Variants in KCNMA1 observed in about 807,000 individuals in gnomAD.
The protein encoded by KCNMA1 is potassium calcium-activated channel subfamily M alpha 1, also known as Calcium-activated potassium channel subunit alpha-1.
A neutral mutation model predicts 140.0 loss-of-function variants in KCNMA1; 29 were observed. The observed-to-expected ratio is 0.21, with a 90% CI of 0.15 to 0.28. The LOEUF (loss-of-function observed/expected upper bound fraction) is 0.28. Ranked by LOEUF, KCNMA1 falls within the 10% of genes least tolerant of loss-of-function variation. The pLI, the probability that KCNMA1 is intolerant of heterozygous loss-of-function variation, is 1.00. For synonymous variants in KCNMA1, 612 were observed against 611.9 expected (o/e 1.00, Z 0.00); for missense variants, 880 against 1,602.2 (o/e 0.55, Z 7.70).
intron 6 of KCNMA1, among the ~76,000 whole-genome samples, chr10:77,118,325 C>A (rs1346541460): frequency 6.6e-6 from 1 of 152,250 alleles, no homozygotes; most frequent in East Asian, 1.9e-4. Context: ...TTGGGATCCA[C>A]ACTTGGGGAT....
intron 5 of KCNMA1, among the ~76,000 whole-genome samples, chr10:77,174,480 G>C (rs2098735933): frequency 6.6e-6 from 1 of 152,206 alleles, no homozygotes; most frequent in Non-Finnish European, 1.5e-5. Context: ...CCACATCTGT[G>C]CTGTCCAGCT....
At chr10:77,202,328 C>T (rs2042738444) in intron 3 of KCNMA1, among the ~76,000 whole-genome samples, 1 of 152,192 alleles carries the variant, frequency 6.6e-6, no homozygotes, top group Admixed American at 6.5e-5. Flanking sequence ...CAGAGACAAT[C>T]CCCCAAGATA....
chr10:77,636,151 T>C, intron 1 of KCNMA1: 1 of 1,349,012 alleles, frequency 7.4e-7, no homozygotes, highest in South Asian at 1.6e-5. Flanking sequence ...GCGCGTGAAG[T>C]CCCCTAGGAT....
At chr10:77,226,226 G>C (rs895675444) in intron 3 of KCNMA1, among the ~76,000 whole-genome samples, 4 of 152,074 alleles carry the variant, frequency 2.6e-5, no homozygotes, top group African/African-American at 9.7e-5. Flanking sequence ...GAGGGTTCTT[G>C]CCCTTGCTGT....
Position 76,944,938 on chromosome 10 carries a change from T to G in KCNMA1, c.2737A>C (p.Arg913=), listed in dbSNP as rs1039986904. The change falls in exon 23 of 28, where the codon AGG becomes CGG. Residue 913 remains arginine, a synonymous_variant. Transcript: ENST00000286628. ...TCACAGAGGTTGATGTTGACAGCCC[T>G]TAAATCAGCCCGACTTAATGGCGTA... ...PGTPLSRADL[R]AVNINLCDMC... is the part of the protein sequence containing the mutation. The G allele has an allele frequency of 6.2e-7, 1 of 1,613,686 alleles. No homozygotes were observed. Among genetic ancestry groups the G allele is most frequent in the Non-Finnish European group, 8.5e-7 (1 of 1,179,974 alleles).
At chr10:77,049,827 G>T (rs2095288663) in intron 14 of KCNMA1, among the ~76,000 whole-genome samples, 1 of 152,050 alleles carries the variant, frequency 6.6e-6, no homozygotes, top group African/African-American at 2.4e-5. Context: ...TGTATAACTG[G>T]GTCATTTTTA....
intron 2 of KCNMA1, among the ~76,000 whole-genome samples, chr10:77,316,020 G>T (rs1194795101): frequency 1.3e-5 from 2 of 152,198 alleles, no homozygotes; most frequent in South Asian, 2.1e-4. Flanking sequence ...TATCTCCAGT[G>T]TGGGATTCAG....
At chr10:77,110,428 C>T (rs1386460129) in intron 7 of KCNMA1, 85 bp from the exon 8 acceptor site, 20 of 1,179,906 alleles carry the variant, frequency 1.7e-5, no homozygotes, top group South Asian at 2.4e-5. Flanking sequence ...TCGGCACTCT[C>T]GAAGGCCACT....
At chr10:76,966,576 C>G (rs903305860) in intron 20 of KCNMA1, among the ~76,000 whole-genome samples, 10 of 152,142 alleles carry the variant, frequency 6.6e-5, no homozygotes, top group South Asian at 4.1e-4. Context: ...TTTGTGCCCC[C>G]CTAGGACTTT....
At chr10:77,341,737 A>C (rs1344791566) in intron 2 of KCNMA1, among the ~76,000 whole-genome samples, 3 of 152,214 alleles carry the variant, frequency 2.0e-5, no homozygotes, top group African/African-American at 7.2e-5. Flanking sequence ...AATCACGTCC[A>C]CTTCATGACT....
chr10:77,159,754 C>G (rs61867018), intron 5 of KCNMA1, among the ~76,000 whole-genome samples: 2 of 152,050 alleles, frequency 1.3e-5, no homozygotes, highest in Non-Finnish European at 2.9e-5. Context: ...CCCTGGGACA[C>G]GTCAGGCTGT....
At chr10:77,393,962 C>G (rs1164922083) in intron 2 of KCNMA1, among the ~76,000 whole-genome samples, 1 of 152,182 alleles carries the variant, frequency 6.6e-6, no homozygotes, top group Non-Finnish European at 1.5e-5. Flanking sequence ...CTTACCAGGC[C>G]CCCACTGACC....
At chr10:77,054,012 C>G (rs2095463278) in intron 14 of KCNMA1, among the ~76,000 whole-genome samples, 1 of 152,128 alleles carries the variant, frequency 6.6e-6, no homozygotes, top group African/African-American at 2.4e-5. Context: ...GCACAACCCC[C>G]CTCACACTTC....
intron 25 of KCNMA1, chr10:76,904,347 G>A (rs1362821034): frequency 6.6e-6 from 1 of 152,244 alleles, no homozygotes; most frequent in Non-Finnish European, 1.5e-5. Context: ...GCAGAGCAAA[G>A]ACACACCTGC....
chr10:77,112,317 G>C (rs756378592), intron 7 of KCNMA1, 50 bp downstream of exon 7: 1 of 1,268,638 alleles, frequency 7.9e-7, no homozygotes, highest in South Asian at 1.2e-5. Flanking sequence ...GACTCAGAGA[G>C]GGTCTTGTTG....
intron 2 of KCNMA1, among the ~76,000 whole-genome samples, chr10:77,327,861 T>A (rs11002121): frequency 0.23 from 35,059 of 152,088 alleles, 5,178 homozygotes; most frequent in Non-Finnish European, 0.34. Flanking sequence ...GCCACTTAAA[T>A]GCTCTCTCAG....
intron 2 of KCNMA1, among the ~76,000 whole-genome samples, chr10:77,359,410 C>T (rs1374035409): frequency 6.6e-6 from 1 of 152,138 alleles, no homozygotes; most frequent in Non-Finnish European, 1.5e-5. Flanking sequence ...ACAGATGTCT[C>T]TCTGCTTTAT....
chr10:76,889,874 G>A lies in KCNMA1; in HGVS notation c.3343-305C>T, dbSNP rs1471981673. 12 of 425,154 alleles carry A rather than the reference G, an allele frequency of 2.8e-5. 1 individual carries two copies. Among genetic ancestry groups the A allele is most frequent in the African/African-American group, 1.6e-4 (8 of 49,490 alleles). 26.3% of individuals were successfully genotyped at this position (425,154 alleles called of 1,614,324 possible). ...CTTCTCCCTCACTTTAAGTCAAAGT[G>A]TAAAGCTTGATGGTCTCAGATGTAT... On this transcript the variant is annotated intron_variant, in intron 26 of 27. Coordinates refer to ENST00000286628, the MANE Select transcript of KCNMA1 (RefSeq NM_001161352.2).
chr10:77,553,665 C>T (rs2063400320), intron 1 of KCNMA1, among the ~76,000 whole-genome samples: 1 of 152,254 alleles, frequency 6.6e-6, no homozygotes, highest in African/African-American at 2.4e-5. Context: ...TTCAAGCCTA[C>T]TCCCAGGGGA....
Sources: allele counts gnomAD v4.1 joint callset (sites outside exome capture counted in the v4.1 genomes callset), GRCh38; gene constraint gnomAD v4.1.1; transcripts MANE v1.5; gene names NCBI Gene and HGNC (gene_info 2026-07-23, HGNC 2026-07-21).